OTOP3: variants seen among roughly 807,000 people sequenced by gnomAD.
OTOP3 encodes the protein otopetrin 3.
In OTOP3, 41 loss-of-function variants were observed where a neutral mutation model predicts 50.8. The observed-to-expected ratio is 0.81, with a 90% confidence interval of 0.63 to 1.05. The LOEUF is 1.05. Ranked by LOEUF, OTOP3 falls within the 50% of genes least tolerant of loss-of-function variation. The pLI is 0.00. For synonymous variants in OTOP3, 320 were observed against 324.4 expected (o/e 0.99, Z 0.14); for missense variants, 788 against 760.8 (o/e 1.04, Z -0.42).
chr17:74,949,639 A>C lies in OTOP3; in HGVS notation c.*223A>C. The C allele has an allele frequency of 1.8e-6, 1 of 556,930 alleles. No homozygotes were observed. The highest frequency in any genetic ancestry group is 3.1e-6 in the Non-Finnish European group (1 of 320,850). 34.5% of individuals were successfully genotyped at this position (556,930 alleles called of 1,614,324 possible). On this transcript the variant is annotated 3_prime_UTR_variant, in exon 7 of 7. Coordinates refer to ENST00000328801, the MANE Select transcript of OTOP3 (RefSeq NM_001272005.2). ...CTGATGCCCACGGCCAGGCCTGGGC[A>C]CATGCCTGCCCCCTGCCTTCCCACC...
intron 6 of OTOP3, 40 bp downstream of exon 6, chr17:74,947,515 C>A: frequency 6.7e-7 from 1 of 1,502,564 alleles, no homozygotes. Flanking sequence ...GTAGAGGTGG[C>A]CAGGCAGACC....
At position 74,946,860 on chromosome 17, in the gene OTOP3, CG is replaced by C. The variant is rs1567952366; in HGVS notation, c.955del (p.Ala319ProfsTer50). ...CTGCCACCGCACCCTTCCACCTGCA[CG>C]GGGCCATCTTCGGGCCGCTGCTGGG... ...HPATAPFHLH[G>X]AIFGPLLGLL... is the part of the protein sequence containing the mutation. On this transcript the variant is annotated frameshift_variant, in exon 6 of 7. Transcript: ENST00000328801. LOFTEE classifies it high-confidence loss of function. 1.9e-6 allele frequency: 3 copies of C among 1,610,814 alleles called. No homozygotes were observed. The South Asian group carries it at 3.3e-5, about 18-fold the overall frequency.
intron 6 of OTOP3, 147 bp from the exon 7 acceptor site, chr17:74,949,099 C>T (rs80294351): frequency 0.21 from 165,609 of 770,424 alleles, 18,421 homozygotes; most frequent in Middle Eastern, 0.25. Flanking sequence ...GAAGAGCTCA[C>T]GCTGAAAGCC....
At chr17:74,939,302 G>A (rs1314338785) in intron 1 of OTOP3, among the ~76,000 whole-genome samples, 2 of 152,220 alleles carry the variant, frequency 1.3e-5, no homozygotes, top group African/African-American at 4.8e-5. Flanking sequence ...GAGGTGGGGA[G>A]ATGGAGATGT....
intron 1 of OTOP3, among the ~76,000 whole-genome samples, chr17:74,940,047 T>C (rs1263846628): frequency 2.0e-5 from 3 of 151,136 alleles, no homozygotes; most frequent in Non-Finnish European, 4.4e-5. Flanking sequence ...TAGTTGGGAC[T>C]ATAGGCATTA....
intron 1 of OTOP3, among the ~76,000 whole-genome samples, chr17:74,937,337 G>T: frequency 6.6e-6 from 1 of 152,188 alleles, no homozygotes; most frequent in East Asian, 1.9e-4. Context: ...CAGTTTTGCA[G>T]ATGACAACAC....
In OTOP3 at chr17:74,941,791, G is replaced by C. The variant is rs1449985684; in HGVS notation, c.418G>C (p.Gly140Arg). The change falls in exon 2 of 7, where the codon GGG becomes CGG. Residue 140 changes from glycine to arginine, a missense_variant. By Grantham distance (125) the Gly-to-Arg change is moderately radical. Transcript: ENST00000328801. Reference sequence around the variant, plus strand: ...CGTGCTCTACCAAGATCCCCACGCGGGGCCCCTCTGGGTGCGGGGTGAGTG... The same window carrying C: ...CGTGCTCTACCAAGATCCCCACGCGCGGCCCCTCTGGGTGCGGGGTGAGTG... ...HAVLYQDPHA[G>R]PLWVRGSLVL... 1.2e-6 allele frequency: 2 copies of C among 1,611,138 alleles called. No homozygotes were observed. The highest frequency in any genetic ancestry group is 1.7e-6 in the Non-Finnish European group (2 of 1,178,192).
Position 74,941,487 on chromosome 17 carries a change from G to A in OTOP3, c.114G>A (p.Glu38=), listed in dbSNP as rs755983023. 1.9e-6 allele frequency: 3 copies of A among 1,612,150 alleles called. No homozygotes were observed. The highest frequency in any genetic ancestry group is 2.5e-6 in the Non-Finnish European group (3 of 1,179,012). The part of the protein sequence containing the change: ...KENRVDVGAE[E]RAAATRPRQK... ...ACCGAGTGGATGTGGGGGCCGAGGA[G>A]AGAGCGGCCGCCACCCGGCCCCGGC... Residue 38 remains glutamate, a synonymous_variant, in exon 2 of 7, where the codon GAG becomes GAA. Coordinates refer to ENST00000328801, the MANE Select transcript of OTOP3 (RefSeq NM_001272005.2).
At chr17:74,947,873 G>A (rs896461005) in intron 6 of OTOP3, among the ~76,000 whole-genome samples, 4 of 152,182 alleles carry the variant, frequency 2.6e-5, no homozygotes, top group African/African-American at 9.7e-5. Flanking sequence ...ATGTCTCTAC[G>A]CTTCATTGAA....
chr17:74,947,654 C>T (rs1429641692), intron 6 of OTOP3, among the ~76,000 whole-genome samples, 179 bp downstream of exon 6: 1 of 152,200 alleles, frequency 6.6e-6, no homozygotes, highest in Non-Finnish European at 1.5e-5. Context: ...AAGCACTTGG[C>T]TAAGTGCTCT....
At chr17:74,936,031 G>A in intron 1 of OTOP3, 91 bp downstream of exon 1, 3 of 1,518,454 alleles carry the variant, frequency 2.0e-6, no homozygotes, top group South Asian at 2.4e-5. Context: ...GGGTTCACAA[G>A]TAGGGGCTGC....
intron 1 of OTOP3, 69 bp from the exon 2 acceptor site, chr17:74,941,323 GT>G: frequency 1.4e-6 from 2 of 1,425,348 alleles, no homozygotes; most frequent in African/African-American, 2.9e-5. Flanking sequence ...TCACACAGCG[GT>G]TAGGGGCAGC....
rs1345484630 is a variant in OTOP3 at position 74,947,010 on chromosome 17, C to A, written c.1101C>A (p.Thr367=). The change falls in exon 6 of 7, where the codon ACC becomes ACA. Residue 367 remains threonine, a synonymous_variant. Transcript: ENST00000328801. ...CCTTCTATGTGGCTGTGCTGCCCAC[C>A]ATGAGTCTGGCGTGCCTGGCGGGCA... ...YYAFYVAVLP[T]MSLACLAGTA... The A allele has an allele frequency of 6.2e-7, 1 of 1,613,852 alleles. No homozygotes were observed. The highest frequency in any genetic ancestry group is 2.2e-5 in the East Asian group (1 of 44,900).
intron 1 of OTOP3, among the ~76,000 whole-genome samples, chr17:74,939,858 C>A (rs1410132034): frequency 6.6e-6 from 1 of 152,120 alleles, no homozygotes; most frequent in Non-Finnish European, 1.5e-5. Context: ...CATTGTGAAT[C>A]AACCCCAGAA....
At chr17:74,949,159 C>T in intron 6 of OTOP3, 87 bp from the exon 7 acceptor site, 1 of 1,410,820 alleles carries the variant, frequency 7.1e-7, no homozygotes, top group Non-Finnish European at 9.8e-7. Flanking sequence ...ACTGGAGGGG[C>T]TGCAGGTTTG....
chr17:74,940,652 C>T (rs2039163030), intron 1 of OTOP3, among the ~76,000 whole-genome samples: 4 of 152,108 alleles, frequency 2.6e-5, no homozygotes, highest in African/African-American at 4.8e-5. Context: ...CTAGGGGTTG[C>T]CCACTCCTCA....
intron 1 of OTOP3, among the ~76,000 whole-genome samples, chr17:74,939,000 T>C (rs1189051243): frequency 6.7e-6 from 1 of 148,554 alleles, no homozygotes; most frequent in Non-Finnish European, 1.5e-5. Context: ...TGACCCTGTC[T>C]CTGCAAAAAA....
At chr17:74,949,220 C>T in intron 6 of OTOP3, 26 bp from the exon 7 acceptor site, 4 of 1,609,692 alleles carry the variant, frequency 2.5e-6, no homozygotes, top group Non-Finnish European at 3.4e-6. Flanking sequence ...GAGCCCTTCC[C>T]TAACTCAGCA....
chr17:74,949,132 C>T (rs1225975392), intron 6 of OTOP3, 114 bp from the exon 7 acceptor site: 7 of 1,032,528 alleles, frequency 6.8e-6, no homozygotes, highest in East Asian at 4.8e-5. Context: ...GAAGACTGAG[C>T]GGGAGGTGGG....
Sources: allele counts gnomAD v4.1 joint callset (sites outside exome capture counted in the v4.1 genomes callset), GRCh38; gene constraint gnomAD v4.1.1; transcripts MANE v1.5; gene names NCBI Gene and HGNC (gene_info 2026-07-23, HGNC 2026-07-21).